RPS6KA2: variants seen among roughly 807,000 people sequenced by gnomAD.
The protein encoded by RPS6KA2 is ribosomal protein S6 kinase alpha-2.
A neutral mutation model predicts 91.8 loss-of-function variants in RPS6KA2; 42 were observed. The observed-to-expected ratio is 0.46, with a 90% CI of 0.36 to 0.59. RPS6KA2 has a LOEUF of 0.59. Among genes scored for constraint, RPS6KA2 ranks in the 20% least tolerant of loss-of-function variants. The pLI is 0.00. For synonymous variants in RPS6KA2, 414 were observed against 393.6 expected (o/e 1.05, Z -0.61); for missense variants, 798 against 978.5 (o/e 0.82, Z 2.46).
At chr6:166,580,537 G>A (rs891288645) in intron 1 of RPS6KA2, among the ~76,000 whole-genome samples, 4 of 152,214 alleles carry the variant, frequency 2.6e-5, no homozygotes, top group African/African-American at 9.6e-5. Flanking sequence ...TTACAAATTT[G>A]TGTTGGGCGA....
At chr6:166,496,184 C>T (rs1781778943) in intron 8 of RPS6KA2, among the ~76,000 whole-genome samples, 1 of 151,642 alleles carries the variant, frequency 6.6e-6, no homozygotes, top group Admixed American at 6.6e-5. Context: ...AACCCTGTCT[C>T]TACTAAAATG....
chr6:166,857,802 C>A (rs1265903754), intron 2 of RPS6KA2, among the ~76,000 whole-genome samples: 1 of 152,212 alleles, frequency 6.6e-6, no homozygotes, highest in African/African-American at 2.4e-5. Context: ...AGCACCTCAT[C>A]AGACATTTTA....
intron 8 of RPS6KA2, among the ~76,000 whole-genome samples, chr6:166,497,720 G>A (rs559916250): frequency 5.3e-5 from 8 of 152,188 alleles, no homozygotes; most frequent in Admixed American, 1.3e-4. Context: ...GAGGAGAGGC[G>A]GTCAAAACTC....
intron 2 of RPS6KA2, among the ~76,000 whole-genome samples, chr6:166,731,849 C>G (rs1790533653): frequency 6.6e-6 from 1 of 152,138 alleles, no homozygotes; most frequent in African/African-American, 2.4e-5. Flanking sequence ...CATGGAACCT[C>G]TCTAAAGGAC....
rs1722293556 is a variant in RPS6KA2, at chr6:166,612,257, AC to A, written c.99+14663del. Among the ~76,000 whole-genome samples, 1 of 151,998 alleles carries A rather than the reference AC, an allele frequency of 6.6e-6. No individual in the cohort carries two copies. The highest frequency in any genetic ancestry group is 2.1e-4 in the South Asian group (1 of 4,822). On this transcript the variant is annotated intron_variant, in intron 1 of 20. Coordinates refer to ENST00000265678, the MANE Select transcript of RPS6KA2 (RefSeq NM_021135.6). The surrounding 1 kb of genome is among the most constrained non-coding windows in gnomAD (Gnocchi z 4.3). Reference sequence around the variant, plus strand: ...AAGCTCAGGGGAGTCAAGCCCCTTGACGAGGTGTGTGATGTGGGCAGGTGTG... The same window carrying A: ...AAGCTCAGGGGAGTCAAGCCCCTTGAGAGGTGTGTGATGTGGGCAGGTGTG...
Position 166,451,240 on chromosome 6 carries a change from G to A in RPS6KA2, c.1076-7C>T, listed in dbSNP as rs1779904855. 1.2e-6 allele frequency: 2 copies of A among 1,613,788 alleles called. No homozygotes were observed. Among genetic ancestry groups the A allele is most frequent in the East Asian group, 4.5e-5 (2 of 44,868 alleles). ...GGGGGGACGCCAGGAGAGTCTGTAG[G>A]TGACAGGGGCAGAGTTCAGATGCCA... On this transcript the variant is annotated splice_region_variant and splice_polypyrimidine_tract_variant and intron_variant, in intron 12 of 20. Transcript: ENST00000265678.
At chr6:166,680,022 T>C (rs921100616) in intron 2 of RPS6KA2, among the ~76,000 whole-genome samples, 1 of 152,212 alleles carries the variant, frequency 6.6e-6, no homozygotes, top group Non-Finnish European at 1.5e-5. Flanking sequence ...AGCTAAAGGA[T>C]TGTAAACCCA....
rs889324555 is a variant in RPS6KA2, at chr6:166,420,010, T to A, written c.1744-52A>T. On this transcript the variant is annotated intron_variant, in intron 17 of 20. Coordinates refer to ENST00000265678, the MANE Select transcript of RPS6KA2 (RefSeq NM_021135.6). ...ACGCCCTTCACTAAGGACATTCAGATTGACAGCACGTTTCTCCAGCGGCAT... is the reference window on the plus strand; with the variant it reads ...ACGCCCTTCACTAAGGACATTCAGAATGACAGCACGTTTCTCCAGCGGCAT... 3.9e-6 allele frequency: 6 copies of A among 1,541,474 alleles called. No individual in the cohort carries two copies. In the African/African-American group the frequency reaches 4.1e-5, roughly 11 times the overall value.
rs1271966714 is a variant in RPS6KA2 at position 166,495,613 on chromosome 6, T to C, written c.747+2895A>G. On this transcript the variant is annotated intron_variant, in intron 8 of 20. Transcript: ENST00000265678. This position sits in a 1 kb window ranked among gnomAD's most constrained non-coding sequence, Gnocchi z 4.4. ...CTTCCACCCTGTTGTCTTCACTCCC[T>C]CATGGGTCCCTTGGAGGCCTGGCCA... Among the ~76,000 whole-genome samples, 1 of 152,170 alleles carries C rather than the reference T, an allele frequency of 6.6e-6. No individual in the cohort carries two copies. Among genetic ancestry groups the C allele is most frequent in the Non-Finnish European group, 1.5e-5 (1 of 68,036 alleles).
intron 12 of RPS6KA2, among the ~76,000 whole-genome samples, chr6:166,458,000 T>TC (rs1308217247): frequency 6.6e-6 from 1 of 152,200 alleles, no homozygotes; most frequent in Non-Finnish European, 1.5e-5. Context: ...TTGTCCCACT[T>TC]ATGTCTACAG....
At chr6:166,444,314 G>A (rs1239890261) in intron 14 of RPS6KA2, among the ~76,000 whole-genome samples, 1 of 152,178 alleles carries the variant, frequency 6.6e-6, no homozygotes, top group Non-Finnish European at 1.5e-5. Context: ...CCTAATGTGC[G>A]GACAGCAATG....
At chr6:166,564,378 C>G (rs889070236) in intron 1 of RPS6KA2, among the ~76,000 whole-genome samples, 1 of 152,202 alleles carries the variant, frequency 6.6e-6, no homozygotes, top group Non-Finnish European at 1.5e-5. Flanking sequence ...CCCCACCAGT[C>G]TCTGGGGCAG....
intron 2 of RPS6KA2, among the ~76,000 whole-genome samples, chr6:166,752,950 G>T (rs968502326): frequency 1.3e-5 from 2 of 152,210 alleles, no homozygotes; most frequent in African/African-American, 4.8e-5. Context: ...GGATTTATTT[G>T]CTGTGAAACG....
intron 1 of RPS6KA2, among the ~76,000 whole-genome samples, chr6:166,598,190 TG>T (rs1364743840): frequency 6.6e-6 from 1 of 152,152 alleles, no homozygotes; most frequent in East Asian, 1.9e-4. Context: ...GAAGACATTG[TG>T]GGGCCAAATT....
At chr6:166,609,353 T>A (rs1201687119) in intron 1 of RPS6KA2, among the ~76,000 whole-genome samples, 2 of 152,118 alleles carry the variant, frequency 1.3e-5, no homozygotes, top group Non-Finnish European at 2.9e-5. Context: ...TACAGAAAGA[T>A]CTGTTGGGCT....
chr6:166,692,265 G>GA (rs1789229383), intron 2 of RPS6KA2, among the ~76,000 whole-genome samples: 1 of 152,022 alleles, frequency 6.6e-6, no homozygotes, highest in Non-Finnish European at 1.5e-5. Context: ...GAAGTAGTCA[G>GA]AAAAAAATAA....
At position 166,733,352 on chromosome 6, in the gene RPS6KA2, A is replaced by G. The variant is rs1247193151; in HGVS notation, c.123+124848T>C. ...TGGTGTTGGCCGTCTTGATCAGTTT[A>G]TTATGTCTTGGAACTCATCCTTGAA... On this transcript the variant is annotated intron_variant, in intron 2 of 21. Transcript: ENST00000503859. The surrounding 1 kb of genome is among the most constrained non-coding windows in gnomAD (Gnocchi z 4.1). Among the ~76,000 whole-genome samples, 1 of 152,136 alleles carries G rather than the reference A, an allele frequency of 6.6e-6. No homozygotes were observed. The highest frequency in any genetic ancestry group is 2.4e-5 in the African/African-American group (1 of 41,400).
chr6:166,438,728 G>T (rs1779424210), intron 14 of RPS6KA2, among the ~76,000 whole-genome samples: 2 of 152,192 alleles, frequency 1.3e-5, no homozygotes, highest in African/African-American at 4.8e-5. Context: ...AGATACAACA[G>T]GCCAAGAGAA....
chr6:166,813,980 G>T (rs974333081), intron 2 of RPS6KA2, among the ~76,000 whole-genome samples: 16 of 152,064 alleles, frequency 1.1e-4, no homozygotes, highest in African/African-American at 3.6e-4. Flanking sequence ...ATTCTATCTG[G>T]CACATGGCAA....
Sources: gnomAD v4.1 joint callset for allele counts (sites outside exome capture counted in the v4.1 genomes callset) on GRCh38, gnomAD v4.1.1 for gene constraint, Gnocchi (gnomAD v3.1) non-coding constraint, MANE v1.5 for transcripts, NCBI Gene and HGNC (gene_info 2026-07-23, HGNC 2026-07-21) for gene names.